The following KIRREL3 variants were observed in gnomAD, a reference collection of about 807,000 sequenced individuals.
The protein encoded by KIRREL3 is kirre like nephrin family adhesion molecule 3, also known as kin of IRRE-like protein 3.
In KIRREL3, 36 loss-of-function variants were observed where a neutral mutation model predicts 89.7. The observed-to-expected ratio is 0.40, with a 90% CI of 0.31 to 0.53. The LOEUF (loss-of-function observed/expected upper bound fraction) is 0.53. KIRREL3 is among the 20% of genes least tolerant of loss of function. The pLI, the probability that KIRREL3 is intolerant of heterozygous loss-of-function variation, is 0.49. For synonymous variants in KIRREL3, 445 were observed against 441.4 expected (o/e 1.01, Z -0.10); for missense variants, 864 against 1,056.6 (o/e 0.82, Z 2.53).
rs983425854 is a variant in KIRREL3, at chr11:126,459,715, C to T, written c.743-3261G>A. On this transcript the variant is annotated intron_variant, in intron 6 of 16. Transcript: ENST00000525144. This position sits in a 1 kb window ranked among gnomAD's most constrained non-coding sequence, Gnocchi z 4.8. ...GAGTCTGTTAGTGTTTCCATCCGCC[C>T]GTGTGTGCGTGTGTCCATGTGTGTG... 5.3e-5 allele frequency among the ~76,000 whole-genome samples: 8 copies of T among 152,070 alleles called. No homozygotes were observed. Among genetic ancestry groups the T allele is most frequent in the Non-Finnish European group, 1.2e-4 (8 of 68,008 alleles).
In KIRREL3 at chr11:126,754,477, C is replaced by A. The variant is rs1214618773; in HGVS notation, c.56-191565G>T. On this transcript the variant is annotated intron_variant, in intron 1 of 16. Coordinates refer to ENST00000525144, the MANE Select transcript of KIRREL3 (RefSeq NM_032531.4). This position sits in a 1 kb window ranked among gnomAD's most constrained non-coding sequence, Gnocchi z 5.1. ...TCTTTTGATAATGCTAATTAACATG[C>A]ACAGAAAATATCAGAACAAAATGGG... Among the ~76,000 whole-genome samples, 1 of 152,092 alleles carries A rather than the reference C, an allele frequency of 6.6e-6. No homozygotes were observed. Among genetic ancestry groups the A allele is most frequent in the Non-Finnish European group, 1.5e-5 (1 of 68,022 alleles).
At position 126,527,801 on chromosome 11, in the gene KIRREL3, C is replaced by T. The variant is rs139596064; in HGVS notation, c.134-1114G>A. Among the ~76,000 whole-genome samples, 143 of 152,224 alleles carry T rather than the reference C, an allele frequency of 9.4e-4. 2 individuals are homozygous for T. The highest frequency in any genetic ancestry group is 3.2e-3 in the African/African-American group (132 of 41,516). On this transcript the variant is annotated intron_variant, in intron 2 of 16. Transcript: ENST00000525144. This position sits in a 1 kb window ranked among gnomAD's most constrained non-coding sequence, Gnocchi z 4.2. The stretch of plus-strand genomic sequence containing the variant: ...TCCAAGTCTTTCTGGCTCTGAAGAC[C>T]ATGCTCTCCCCTACTGAGCTATGCT...
rs1352322288 is a variant in KIRREL3 at position 126,455,408 on chromosome 11, G to A, written c.848+941C>T. Among the ~76,000 whole-genome samples the A allele has an allele frequency of 6.6e-6, 1 of 152,216 alleles. No individual in the cohort carries two copies. Among genetic ancestry groups the A allele is most frequent in the African/African-American group, 2.4e-5 (1 of 41,444 alleles). On this transcript the variant is annotated intron_variant, in intron 7 of 16. Transcript: ENST00000525144. The surrounding 1 kb of genome is among the most constrained non-coding windows in gnomAD (Gnocchi z 6.4). ...GCATGTGGTTTATGCCATGTGCTGT[G>A]CTGCATGCTGAGAGCCATCAGTGAC...
rs943843936 is a variant in KIRREL3, at chr11:126,454,799, G to T, written c.848+1550C>A. 6.6e-6 allele frequency among the ~76,000 whole-genome samples: 1 copy of T among 152,180 alleles called. No homozygotes were observed. ...AGCCTGGAGTCCCCGGCTCAGAAGG[G>T]ACCCTGGAGGTCATCTGTTCTTTCT... On this transcript the variant is annotated intron_variant, in intron 7 of 16. Transcript: ENST00000525144. The surrounding 1 kb of genome is among the most constrained non-coding windows in gnomAD (Gnocchi z 5.8).
At chr11:126,713,246 G>A (rs1411802032) in intron 1 of KIRREL3, among the ~76,000 whole-genome samples, 4 of 152,222 alleles carry the variant, frequency 2.6e-5, no homozygotes, top group Non-Finnish European at 4.4e-5. Flanking sequence ...GCTCCATGCA[G>A]AGGTCACAGC....
intron 1 of KIRREL3, among the ~76,000 whole-genome samples, chr11:126,803,067 A>G (rs1330143531): frequency 6.6e-6 from 1 of 152,192 alleles, no homozygotes; most frequent in Non-Finnish European, 1.5e-5. Context: ...ATAAGATTCC[A>G]GGTGCTTTGA....
intron 1 of KIRREL3, among the ~76,000 whole-genome samples, chr11:126,884,056 A>C (rs535856581): frequency 6.6e-6 from 1 of 152,284 alleles, no homozygotes; most frequent in South Asian, 2.1e-4. Flanking sequence ...CAATCTTAAC[A>C]CTCTATGAGG....
intron 7 of KIRREL3, among the ~76,000 whole-genome samples, chr11:126,450,093 C>T (rs1165159778): frequency 6.6e-6 from 1 of 151,904 alleles, no homozygotes; most frequent in Non-Finnish European, 1.5e-5. Flanking sequence ...ACCAGTGACC[C>T]AGCAGCCTGC....
chr11:126,510,679 C>G (rs1172635546), intron 4 of KIRREL3, among the ~76,000 whole-genome samples: 2 of 152,112 alleles, frequency 1.3e-5, no homozygotes, highest in Non-Finnish European at 2.9e-5. Flanking sequence ...CCCTATTCCC[C>G]TACATCTTCT....
chr11:126,538,162 G>T (rs188850484), intron 2 of KIRREL3, among the ~76,000 whole-genome samples: 196 of 152,358 alleles, frequency 1.3e-3, no homozygotes, highest in African/African-American at 4.6e-3. Flanking sequence ...CATTGGCTTT[G>T]CCTCTTCTGC....
Position 126,953,544 on chromosome 11 carries a change from G to T in KIRREL3, c.55+46911C>A, listed in dbSNP as rs536705563. 6.6e-6 allele frequency among the ~76,000 whole-genome samples: 1 copy of T among 152,126 alleles called. No individual in the cohort carries two copies. Among genetic ancestry groups the T allele is most frequent in the South Asian group, 2.1e-4 (1 of 4,810 alleles). On this transcript the variant is annotated intron_variant, in intron 1 of 16. Coordinates refer to ENST00000525144, the MANE Select transcript of KIRREL3 (RefSeq NM_032531.4). The surrounding 1 kb of genome is among the most constrained non-coding windows in gnomAD (Gnocchi z 5.2). ...TAATAAACGTGCTGATAGTTCCAAA[G>T]AGAAGAGCCTGCAAAAAAGATCATG...
At chr11:126,426,552 T>C (rs776176752) in intron 15 of KIRREL3, among the ~76,000 whole-genome samples, 1 of 152,206 alleles carries the variant, frequency 6.6e-6, no homozygotes, top group Admixed American at 6.5e-5. Context: ...AGCTCTAAAT[T>C]ACTGAAAATT....
At chr11:126,472,522 C>T (rs61474988) in intron 5 of KIRREL3, among the ~76,000 whole-genome samples, 13,398 of 152,164 alleles carry the variant, frequency 0.088, 2,029 homozygotes, top group African/African-American at 0.3. Flanking sequence ...GGCCCCACCT[C>T]CTCATACTTG....
In KIRREL3 at chr11:126,563,013, C is replaced by A; in HGVS notation, c.56-101G>T. 2 of 733,258 alleles carry A rather than the reference C, an allele frequency of 2.7e-6. No individual in the cohort carries two copies. Among genetic ancestry groups the A allele is most frequent in the South Asian group, 2.2e-5 (1 of 45,996 alleles). The allele number at this position is 733,258 out of a possible 1,614,324, so 45.4% of individuals were successfully genotyped here. A position where few individuals can be genotyped will look rare whatever the true frequency, so the allele number is the denominator to read the frequency against. ...CTGTGGAGCTTGTTGCTCTTATAAA[C>A]AGAGGTGCTTTTGTTTAGCCAACAT... On this transcript the variant is annotated intron_variant, in intron 1 of 16. Transcript: ENST00000525144. The surrounding 1 kb of genome is among the most constrained non-coding windows in gnomAD (Gnocchi z 6.8).
chr11:126,633,229 G>A (rs1944121317), intron 1 of KIRREL3, among the ~76,000 whole-genome samples: 1 of 152,174 alleles, frequency 6.6e-6, no homozygotes, highest in Non-Finnish European at 1.5e-5. Context: ...CCTGTTGTGG[G>A]GTGGGGGTGA....
chr11:126,471,282 A>C lies in KIRREL3; in HGVS notation c.591+2027T>G, dbSNP rs113575442. On this transcript the variant is annotated intron_variant, in intron 5 of 16. Coordinates refer to ENST00000525144, the MANE Select transcript of KIRREL3 (RefSeq NM_032531.4). The surrounding 1 kb of genome is among the most constrained non-coding windows in gnomAD (Gnocchi z 5.4). ...CTATTCTGGAGGCTGAGGCAGGAGAATCACTTGAGCCCAGGAGGTGGAGGT... is the reference window on the plus strand; with the variant it reads ...CTATTCTGGAGGCTGAGGCAGGAGACTCACTTGAGCCCAGGAGGTGGAGGT... Among the ~76,000 whole-genome samples the C allele has an allele frequency of 0.017, 2,651 of 152,118 alleles. 87 individuals carry two copies. Among genetic ancestry groups the C allele is most frequent in the African/African-American group, 0.061 (2,511 of 41,490 alleles).
rs1945093237 is a variant in KIRREL3, at chr11:126,655,460, C to T, written c.56-92548G>A. ...CTCCTTCACCCCTCCACTCCCCCCA[C>T]AAACAACTGAATTTGGAAGGTTAAA... On this transcript the variant is annotated intron_variant, in intron 1 of 16. Coordinates refer to ENST00000525144, the MANE Select transcript of KIRREL3 (RefSeq NM_032531.4). The surrounding 1 kb of genome is among the most constrained non-coding windows in gnomAD (Gnocchi z 5.0). Among the ~76,000 whole-genome samples, 1 of 152,204 alleles carries T rather than the reference C, an allele frequency of 6.6e-6. No individual in the cohort carries two copies. Among genetic ancestry groups the T allele is most frequent in the Non-Finnish European group, 1.5e-5 (1 of 68,040 alleles).
chr11:126,832,986 G>A (rs995321352), intron 1 of KIRREL3, among the ~76,000 whole-genome samples: 9 of 152,162 alleles, frequency 5.9e-5, no homozygotes, highest in Non-Finnish European at 1.0e-4. Flanking sequence ...AGAGAATTCC[G>A]CGTTTCAGGC....
At position 126,621,543 on chromosome 11, in the gene KIRREL3, T is replaced by A. The variant is rs547754857; in HGVS notation, c.56-58631A>T. ...ATCCATGTATAAAATAATAAACTAT[T>A]ATTTAAAAGCACAAATTGTCAAAAT... is the stretch of plus-strand genomic sequence containing the variant. On this transcript the variant is annotated intron_variant, in intron 1 of 16. Transcript: ENST00000525144. 1.4e-4 allele frequency among the ~76,000 whole-genome samples: 22 copies of A among 152,322 alleles called. No individual in the cohort carries two copies. The South Asian group carries it at 3.1e-3, about 21-fold the overall frequency.
Sources: allele counts gnomAD v4.1 joint callset (sites outside exome capture counted in the v4.1 genomes callset), GRCh38; gene constraint gnomAD v4.1.1; non-coding constraint Gnocchi (gnomAD v3.1); transcripts MANE v1.5; gene names NCBI Gene and HGNC (gene_info 2026-07-23, HGNC 2026-07-21).